Variants in VTI1A observed in about 807,000 individuals in gnomAD.
The protein encoded by VTI1A is vesicle transport through interaction with t-SNAREs homolog 1A.
VTI1A carries 22 observed loss-of-function variants against 34.9 expected under a neutral mutation model. The ratio of observed to expected loss-of-function variants is 0.63; its 90% CI spans 0.45 to 0.90. The LOEUF (loss-of-function observed/expected upper bound fraction) is 0.90, where lower values mean the gene tolerates loss of function less well. Ranked by LOEUF, VTI1A falls within the 40% of genes least tolerant of loss-of-function variation. VTI1A has a pLI of 0.00. For missense variants in VTI1A, 268 were observed against 275.6 expected, an observed-to-expected ratio of 0.97 and a Z score of 0.20; for synonymous variants, 87 against 97.3, an observed-to-expected ratio of 0.89 and a Z score of 0.62.
chr10:112,828,308 CAGTT>C, the VTI1A span, among the ~76,000 whole-genome samples: 21 of 152,074 alleles, frequency 1.4e-4, 1 homozygote, highest in East Asian at 3.9e-4. Flanking sequence ...GTGGCACAGT[CAGTT>C]AGCGCACGGT....
At chr10:112,587,861 T>C (rs1267764194) in intron 5 of VTI1A, among the ~76,000 whole-genome samples, 1 of 152,070 alleles carries the variant, frequency 6.6e-6, no homozygotes, top group Non-Finnish European at 1.5e-5. Flanking sequence ...CTGTTTGAAG[T>C]GCTTCTGCTG....
chr10:112,736,827 A>C, intron 7 of VTI1A: 2 of 1,196,470 alleles, frequency 1.7e-6, no homozygotes, highest in Admixed American at 4.0e-5. Context: ...CTTCAATGAG[A>C]AGCCTTCTCA....
At chr10:112,490,712 G>A (rs770698067) in intron 3 of VTI1A, among the ~76,000 whole-genome samples, 3 of 151,458 alleles carry the variant, frequency 2.0e-5, no homozygotes, top group Non-Finnish European at 2.9e-5. Context: ...GCCTCTTAGC[G>A]ATCCCTTTGA....
intron 5 of VTI1A, among the ~76,000 whole-genome samples, chr10:112,659,707 G>A (rs1362375676): frequency 6.6e-6 from 1 of 152,124 alleles, no homozygotes; most frequent in Non-Finnish European, 1.5e-5. Context: ...ATACACGCAC[G>A]CAGACACACA....
chr10:112,733,192 AT>A (rs1391348977), intron 7 of VTI1A, among the ~76,000 whole-genome samples: 2 of 151,830 alleles, frequency 1.3e-5, no homozygotes, highest in African/African-American at 2.4e-5. Context: ...TTGATTTTTT[AT>A]TTTTGGTTTG....
At chr10:112,742,177 A>G (rs1007488618) in intron 7 of VTI1A, among the ~76,000 whole-genome samples, 1 of 152,190 alleles carries the variant, frequency 6.6e-6, no homozygotes, top group Non-Finnish European at 1.5e-5. Context: ...TCTGAGCTTG[A>G]CCTGGCAGGT....
intron 5 of VTI1A, among the ~76,000 whole-genome samples, chr10:112,569,270 G>C (rs1314313584): frequency 6.6e-6 from 1 of 152,122 alleles, no homozygotes; most frequent in Non-Finnish European, 1.5e-5. Context: ...TGCCTTCTGT[G>C]ATCCAGGCAT....
At chr10:112,619,282 A>G (rs902399257) in intron 5 of VTI1A, among the ~76,000 whole-genome samples, 7 of 152,154 alleles carry the variant, frequency 4.6e-5, no homozygotes, top group African/African-American at 1.7e-4. Flanking sequence ...GGGAATAAAA[A>G]TGTGGAAATA....
chr10:112,596,725 C>T (rs1324116453), intron 5 of VTI1A, among the ~76,000 whole-genome samples: 2 of 152,102 alleles, frequency 1.3e-5, no homozygotes, highest in African/African-American at 4.8e-5. Flanking sequence ...ATTTCTTTGT[C>T]ACGAGTAAGG....
intron 4 of VTI1A, among the ~76,000 whole-genome samples, chr10:112,527,570 C>T (rs1850278112): frequency 6.6e-6 from 1 of 152,042 alleles, no homozygotes; most frequent in Admixed American, 6.6e-5. Context: ...TGAAAGTAAG[C>T]TTTCAAAATT....
At chr10:112,710,381 AT>A (rs1564894192) in intron 7 of VTI1A, among the ~76,000 whole-genome samples, 1 of 151,612 alleles carries the variant, frequency 6.6e-6, no homozygotes, top group Non-Finnish European at 1.5e-5. Context: ...TAACTTTTGT[AT>A]TTTTAGTAGA....
intron 7 of VTI1A, among the ~76,000 whole-genome samples, chr10:112,782,468 T>G (rs968395495): frequency 6.6e-6 from 1 of 152,264 alleles, no homozygotes; most frequent in African/African-American, 2.4e-5. Context: ...TTCCAAGGCC[T>G]TCTGAGTGAA....
At chr10:112,822,262 C>T (rs1283395163), downstream of VTI1A, among the ~76,000 whole-genome samples, 2 of 152,164 alleles carry the variant, frequency 1.3e-5, no homozygotes, top group South Asian at 2.1e-4. Flanking sequence ...GCCAGGACCC[C>T]GTTCTTCTAA....
rs540161393 is a variant in VTI1A, at chr10:112,697,374, ATTTTC to A, written c.560+28401_560+28405del. Among the ~76,000 whole-genome samples, 424 of 120,744 alleles carry A rather than the reference ATTTTC, an allele frequency of 3.5e-3. 2 individuals carry two copies. Among genetic ancestry groups the A allele is most frequent in the Middle Eastern group, 5.0e-3 (1 of 200 alleles). 79.2% of individuals were successfully genotyped at this position (120,744 alleles called of 152,430 possible). A position where few individuals can be genotyped will look rare whatever the true frequency, so the allele number is the denominator to read the frequency against. On this transcript the variant is annotated intron_variant, in intron 7 of 7. Transcript: ENST00000393077. ...ACACCTGGCTAATTCTGTTCTTGGTATTTTCTTTTCTTTTCTTTTCTTTTCTTTTT... is the reference window on the plus strand; with the variant it reads ...ACACCTGGCTAATTCTGTTCTTGGTATTTTCTTTTCTTTTCTTTTCTTTTT...
At chr10:112,789,926 A>G (rs945944227) in intron 7 of VTI1A, among the ~76,000 whole-genome samples, 1 of 150,200 alleles carries the variant, frequency 6.7e-6, no homozygotes, top group African/African-American at 2.4e-5. Flanking sequence ...TCCCCTGAAT[A>G]TATAGATCAC....
chr10:112,751,805 TGAGGAGTTGATCTCCAAC>T (rs2133993229), intron 7 of VTI1A, among the ~76,000 whole-genome samples: 1 of 152,274 alleles, frequency 6.6e-6, no homozygotes, highest in East Asian at 1.9e-4. Flanking sequence ...CCTGCAGAGG[TGAGGAGTTGATCTCCAAC>T]TATTCTCATT....
At chr10:112,835,133 G>A in the VTI1A span, among the ~76,000 whole-genome samples, 1 of 152,046 alleles carries the variant, frequency 6.6e-6, no homozygotes, top group African/African-American at 2.4e-5. Context: ...TGCTGCCCTG[G>A]ATCTCCCAGG....
intron 7 of VTI1A, among the ~76,000 whole-genome samples, chr10:112,791,605 C>T (rs6585190): frequency 0.97 from 147,449 of 152,170 alleles, 71,589 homozygotes; most frequent in East Asian, 1. Flanking sequence ...CCAAGAAAAC[C>T]AGTGAGAATG....
chr10:112,596,612 G>A (rs1430428478), intron 5 of VTI1A, among the ~76,000 whole-genome samples: 1 of 152,084 alleles, frequency 6.6e-6, no homozygotes, highest in Non-Finnish European at 1.5e-5. Flanking sequence ...GATTTTTAAT[G>A]TATTATACCA....
Sources: allele counts gnomAD v4.1 joint callset (sites outside exome capture counted in the v4.1 genomes callset), GRCh38; gene constraint gnomAD v4.1.1; transcripts MANE v1.5; gene names NCBI Gene and HGNC (gene_info 2026-07-23, HGNC 2026-07-21).